MEGF11: variants seen among roughly 807,000 people sequenced by gnomAD.
MEGF11 encodes the protein multiple EGF like domains 11.
MEGF11 carries 126 observed loss-of-function variants against 146.6 expected under a neutral mutation model. The ratio of observed to expected loss-of-function variants is 0.86; its 90% CI spans 0.74 to 1.00. The LOEUF (loss-of-function observed/expected upper bound fraction) is 1.00. Ranked by LOEUF, MEGF11 falls within the 50% of genes least tolerant of loss-of-function variation. The pLI is 0.00. For missense variants in MEGF11, 1,509 were observed against 1,521.2 expected, an observed-to-expected ratio of 0.99 and a Z score of 0.13; for synonymous variants, 532 against 583.4, an observed-to-expected ratio of 0.91 and a Z score of 1.27.
chr15:66,250,875 C>A (rs1297880508), intron 1 of MEGF11, among the ~76,000 whole-genome samples: 4 of 126,656 alleles, frequency 3.2e-5, no homozygotes, highest in African/African-American at 1.4e-4. Context: ...CCACTGTACT[C>A]CAGCCTGAGA....
chr15:66,122,212 T>C (rs2088063385), intron 3 of MEGF11, among the ~76,000 whole-genome samples: 1 of 150,440 alleles, frequency 6.6e-6, no homozygotes, highest in African/African-American at 2.5e-5. Context: ...TGCAGTGAAC[T>C]GAGATCGCGC....
At chr15:66,034,384 G>A (rs2083645162) in intron 5 of MEGF11, among the ~76,000 whole-genome samples, 1 of 143,770 alleles carries the variant, frequency 7.0e-6, no homozygotes, top group Non-Finnish European at 1.5e-5. Flanking sequence ...TTTGGGGGTT[G>A]GGGTGGAATG....
chr15:66,120,993 G>C (rs2087995576), intron 3 of MEGF11, among the ~76,000 whole-genome samples: 1 of 152,204 alleles, frequency 6.6e-6, no homozygotes, highest in Non-Finnish European at 1.5e-5. Flanking sequence ...GCTCTCAGGG[G>C]AAGGATGCTG....
At chr15:66,176,941 A>G (rs1263169658) in intron 1 of MEGF11, among the ~76,000 whole-genome samples, 1 of 152,200 alleles carries the variant, frequency 6.6e-6, no homozygotes, top group Non-Finnish European at 1.5e-5. Context: ...AAGCAATGAC[A>G]AAGTTCACAG....
chr15:66,125,793 C>T (rs900188491), intron 2 of MEGF11, among the ~76,000 whole-genome samples: 5 of 152,208 alleles, frequency 3.3e-5, no homozygotes, highest in Non-Finnish European at 4.4e-5. Flanking sequence ...GACCAACACA[C>T]AGAATGGATT....
intron 1 of MEGF11, among the ~76,000 whole-genome samples, chr15:66,210,280 T>C (rs1228002825): frequency 1.3e-5 from 2 of 152,184 alleles, no homozygotes; most frequent in Non-Finnish European, 2.9e-5. Flanking sequence ...AACAGGACCT[T>C]AACTCAAACA....
intron 5 of MEGF11, among the ~76,000 whole-genome samples, chr15:66,089,354 C>G (rs979687282): frequency 1.3e-5 from 2 of 152,170 alleles, no homozygotes; most frequent in Non-Finnish European, 2.9e-5. Flanking sequence ...TTTGACTTAT[C>G]CTGCACTTTG....
intron 5 of MEGF11, among the ~76,000 whole-genome samples, chr15:66,012,959 T>A (rs2082757972): frequency 6.6e-6 from 1 of 152,258 alleles, no homozygotes; most frequent in Non-Finnish European, 1.5e-5. Flanking sequence ...TGCTGCTGTA[T>A]CAGTGGGTGG....
intron 1 of MEGF11, among the ~76,000 whole-genome samples, chr15:66,180,233 G>A (rs938255850): frequency 3.9e-5 from 6 of 152,232 alleles, no homozygotes; most frequent in Non-Finnish European, 8.8e-5. Context: ...ATGTGAAGGA[G>A]CTAGAACATT....
chr15:65,940,565 C>A (rs1268582010), intron 10 of MEGF11, among the ~76,000 whole-genome samples: 3 of 152,224 alleles, frequency 2.0e-5, no homozygotes, highest in African/African-American at 7.2e-5. Flanking sequence ...CCTCGCTGGA[C>A]CTAATTGGTG....
intron 8 of MEGF11, among the ~76,000 whole-genome samples, chr15:65,967,489 C>T (rs1043063332): frequency 6.6e-6 from 1 of 151,922 alleles, no homozygotes; most frequent in Admixed American, 6.6e-5. Flanking sequence ...TTTGGAGGAT[C>T]GTGGGGGTGG....
At chr15:65,907,040 A>G (rs775710569) in intron 23 of MEGF11, among the ~76,000 whole-genome samples, 13 of 152,088 alleles carry the variant, frequency 8.5e-5, no homozygotes, top group East Asian at 1.9e-4. Context: ...AGTCAGAGCA[A>G]TTTTTTCTTC....
chr15:65,931,410 A>G (rs1171724328), intron 10 of MEGF11, among the ~76,000 whole-genome samples: 3 of 152,220 alleles, frequency 2.0e-5, no homozygotes, highest in Non-Finnish European at 4.4e-5. Context: ...AGCAGGAAAT[A>G]GACCCTCTCC....
intron 5 of MEGF11, among the ~76,000 whole-genome samples, chr15:66,016,981 C>T (rs927830787): frequency 2.0e-5 from 3 of 152,228 alleles, no homozygotes; most frequent in African/African-American, 7.2e-5. Flanking sequence ...CCATGGTCGT[C>T]TGACTCAGAG....
At chr15:66,252,515 G>A (rs779441898) in intron 1 of MEGF11, among the ~76,000 whole-genome samples, 1 of 152,134 alleles carries the variant, frequency 6.6e-6, no homozygotes, top group East Asian at 1.9e-4. Context: ...GGGCTGCGGG[G>A]CACCGATCCC....
At chr15:66,156,242 A>G (rs1299191385) in intron 1 of MEGF11, among the ~76,000 whole-genome samples, 1 of 152,054 alleles carries the variant, frequency 6.6e-6, no homozygotes, top group African/African-American at 2.4e-5. Flanking sequence ...AGACACCTGC[A>G]CTGCTGGGAT....
intron 5 of MEGF11, among the ~76,000 whole-genome samples, chr15:66,049,063 G>T (rs1567217964): frequency 2.0e-5 from 3 of 152,154 alleles, no homozygotes; most frequent in South Asian, 4.1e-4. Flanking sequence ...CATTCTGGGG[G>T]AGGCAGCCAC....
intron 5 of MEGF11, among the ~76,000 whole-genome samples, chr15:66,043,641 G>T (rs4776276): frequency 0.62 from 93,758 of 152,112 alleles, 30,974 homozygotes; most frequent in Admixed American, 0.74. Context: ...AGAAGAACTG[G>T]CCCTGCTGAG....
intron 1 of MEGF11, among the ~76,000 whole-genome samples, chr15:66,132,230 T>G (rs2088676509): frequency 6.6e-6 from 1 of 151,704 alleles, no homozygotes; most frequent in South Asian, 2.1e-4. Context: ...AGTCTCTCTC[T>G]CTGGTGGCAG....
Sources: allele counts gnomAD v4.1 joint callset (sites outside exome capture counted in the v4.1 genomes callset), GRCh38; gene constraint gnomAD v4.1.1; transcripts MANE v1.5; gene names NCBI Gene and HGNC (gene_info 2026-07-23, HGNC 2026-07-21).